DTX2: variants seen among roughly 807,000 people sequenced by gnomAD.
The protein encoded by DTX2 is deltex E3 ubiquitin ligase 2.
In DTX2, 29 loss-of-function variants were observed where a neutral mutation model predicts 55.3. That is an observed-to-expected ratio of 0.52 (90% CI 0.39 to 0.71). The LOEUF is 0.71. Ranked by LOEUF, DTX2 falls within the 30% of genes least tolerant of loss-of-function variation. The pLI, the probability that DTX2 is intolerant of heterozygous loss-of-function variation, is 0.00. For synonymous variants in DTX2, 276 were observed against 340.4 expected, an observed-to-expected ratio of 0.81 and a Z score of 2.08; for missense variants, 537 against 822.5, an observed-to-expected ratio of 0.65 and a Z score of 4.25.
In DTX2 at chr7:76,505,898, G is replaced by A; in HGVS notation, c.*297G>A. ...CCGCGGTGCTCGGGGCCTGGTGTGGGGCGAGTAGAGACTTCCCCAGCCTGG... is the reference window on the plus strand; with the variant it reads ...CCGCGGTGCTCGGGGCCTGGTGTGGAGCGAGTAGAGACTTCCCCAGCCTGG... On this transcript the variant is annotated 3_prime_UTR_variant, in exon 11 of 11. Coordinates refer to ENST00000430490, the MANE Select transcript of DTX2 (RefSeq NM_001102594.3). This position sits in a 1 kb window ranked among gnomAD's most constrained non-coding sequence, Gnocchi z 4.4. 1 of 550,746 alleles carries A rather than the reference G, an allele frequency of 1.8e-6. No individual in the cohort carries two copies. The allele number at this position is 550,746 out of a possible 1,614,324, so 34.1% of individuals were successfully genotyped here.
chr7:76,488,172 A>G (rs1244821016), intron 4 of DTX2, among the ~76,000 whole-genome samples: 1 of 85,542 alleles, frequency 1.2e-5, no homozygotes, highest in Non-Finnish European at 2.4e-5. Context: ...CCTGCTCTCT[A>G]TTCGCAGGGT....
In DTX2 at chr7:76,488,229, C is replaced by G. The variant is rs1810091814; in HGVS notation, c.909-3924C>G. Reference sequence around the variant, plus strand: ...CTGTGCTTCTGCTTTCTCCTGTAGTCCTTGGAAGCAAGGACTTCTTGTTCG... The same window carrying G: ...CTGTGCTTCTGCTTTCTCCTGTAGTGCTTGGAAGCAAGGACTTCTTGTTCG... On this transcript the variant is annotated intron_variant, in intron 4 of 10. Coordinates refer to ENST00000430490, the MANE Select transcript of DTX2 (RefSeq NM_001102594.3). Among the ~76,000 whole-genome samples, 2 of 83,642 alleles carry G rather than the reference C, an allele frequency of 2.4e-5. 1 individual carries two copies. The highest frequency in any genetic ancestry group is 4.8e-5 in the Non-Finnish European group (2 of 41,270). The allele number at this position is 83,642 out of a possible 152,430, so 54.9% of individuals were successfully genotyped here.
Position 76,480,406 on chromosome 7 carries a change from C to T in DTX2, c.-89-15C>T, listed in dbSNP as rs1809042027. On this transcript the variant is annotated splice_polypyrimidine_tract_variant and intron_variant, in intron 2 of 10. Coordinates refer to ENST00000430490, the MANE Select transcript of DTX2 (RefSeq NM_001102594.3). ...GATGTGCATTGGTAACTGCTCATGT[C>T]TGTCCTGTTCACAGATCTGCCGGAG... 3.1e-6 allele frequency: 4 copies of T among 1,290,712 alleles called. No homozygotes were observed. The highest frequency in any genetic ancestry group is 4.2e-6 in the Non-Finnish European group (4 of 950,858). The allele number at this position is 1,290,712 out of a possible 1,614,324, so 80.0% of individuals were successfully genotyped here.
Position 76,505,719 on chromosome 7 carries a change from G to A in DTX2, c.*118G>A. 3.7e-6 allele frequency: 4 copies of A among 1,092,314 alleles called. No homozygotes were observed. Among genetic ancestry groups the A allele is most frequent in the South Asian group, 3.1e-5 (2 of 65,170 alleles). The allele number at this position is 1,092,314 out of a possible 1,614,324, so 67.7% of individuals were successfully genotyped here. A position where few individuals can be genotyped will look rare whatever the true frequency, so the allele number is the denominator to read the frequency against. ...GGGAGGTTTGTTGAGGGTGTGGGGT[G>A]TGCCCCACCTGAAGCCGGGGCTCCC... On this transcript the variant is annotated 3_prime_UTR_variant, in exon 11 of 11. Coordinates refer to ENST00000430490, the MANE Select transcript of DTX2 (RefSeq NM_001102594.3). This position sits in a 1 kb window ranked among gnomAD's most constrained non-coding sequence, Gnocchi z 4.4.
intron 6 of DTX2, chr7:76,499,977 A>G (rs1164516995): frequency 8.2e-6 from 3 of 365,864 alleles, no homozygotes; most frequent in East Asian, 7.3e-5. Context: ...CTGCCTGTAC[A>G]TGCTGGACCC....
At chr7:76,491,158 TG>T (rs1810384779) in intron 4 of DTX2, among the ~76,000 whole-genome samples, 1 of 151,608 alleles carries the variant, frequency 6.6e-6, no homozygotes, top group South Asian at 2.1e-4. Context: ...CCACCACGCC[TG>T]GCTAATTTTT....
At chr7:76,466,895 GC>G (rs1807249712) in intron 2 of DTX2, among the ~76,000 whole-genome samples, 1 of 151,802 alleles carries the variant, frequency 6.6e-6, no homozygotes, top group South Asian at 2.1e-4. Context: ...ACCGCGCCTG[GC>G]CTATTTCTTT....
Position 76,505,760 on chromosome 7 carries a change from C to T in DTX2, c.*159C>T. 1 of 750,026 alleles carries T rather than the reference C, an allele frequency of 1.3e-6. No homozygotes were observed. The highest frequency in any genetic ancestry group is 2.2e-6 in the Non-Finnish European group (1 of 460,902). 46.5% of individuals were successfully genotyped at this position (750,026 alleles called of 1,614,324 possible). ...CGGGGCTCCCCCTGCCTGCCTCTCTCTCCTCCTCCCCTCTGGGAATTGGGC... is the reference window on the plus strand; with the variant it reads ...CGGGGCTCCCCCTGCCTGCCTCTCTTTCCTCCTCCCCTCTGGGAATTGGGC... On this transcript the variant is annotated 3_prime_UTR_variant, in exon 11 of 11. Transcript: ENST00000430490. The surrounding 1 kb of genome is among the most constrained non-coding windows in gnomAD (Gnocchi z 4.4).
chr7:76,495,832 G>A (rs1563749343), intron 5 of DTX2, among the ~76,000 whole-genome samples: 2 of 150,582 alleles, frequency 1.3e-5, no homozygotes, highest in Non-Finnish European at 3.0e-5. Context: ...TTCAGGGAAG[G>A]CCTGCCCGCT....
rs1338977802 is a variant in DTX2 at position 76,491,225 on chromosome 7, T to G, written c.909-928T>G. Among the ~76,000 whole-genome samples, 8 of 151,712 alleles carry G rather than the reference T, an allele frequency of 5.3e-5. 1 individual carries two copies. The highest frequency in any genetic ancestry group is 1.9e-4 in the African/African-American group (8 of 41,220). On this transcript the variant is annotated intron_variant, in intron 4 of 10. Coordinates refer to ENST00000430490, the MANE Select transcript of DTX2 (RefSeq NM_001102594.3). ...CTTGGCCAGGCTGGTCTTGAACTCC[T>G]GACCTCGCGATCCACCCACCTTGGC...
intron 2 of DTX2, among the ~76,000 whole-genome samples, chr7:76,471,514 T>G: frequency 6.7e-6 from 1 of 149,942 alleles, no homozygotes; most frequent in Non-Finnish European, 1.5e-5. Flanking sequence ...TGGATGCGGG[T>G]TCCTGCTTGG....
chr7:76,476,978 G>A lies in DTX2; in HGVS notation c.-89-3443G>A, dbSNP rs570576069. 70 of 152,228 alleles carry A rather than the reference G, an allele frequency of 4.6e-4. 1 individual carries two copies. The highest frequency in any genetic ancestry group is 1.6e-3 in the African/African-American group (66 of 41,516). The allele number at this position is 152,228 out of a possible 1,614,324, so 9.4% of individuals were successfully genotyped here. On this transcript the variant is annotated intron_variant, in intron 2 of 10. Coordinates refer to ENST00000430490, the MANE Select transcript of DTX2 (RefSeq NM_001102594.3). ...CAGAGTTGTGAGAGTTGGTTCATCC[G>A]GGCCATGAGGACATGTTGGGACATA...
At position 76,505,446 on chromosome 7, in the gene DTX2, G is replaced by A. The variant is rs2116651208; in HGVS notation, c.1714G>A (p.Glu572Lys). ...FTVGTSSTTG[E>K]TDTVVWNEIH... ...AGTGGGCACGTCCAGCACCACGGGT[G>A]AGACGGACACCGTGGTATGGAACGA... Residue 572 changes from glutamate (E) to lysine (K), a missense_variant, in exon 11 of 11, where the codon GAG becomes AAG. By Grantham distance (56) the Glu-to-Lys change is moderately conservative (BLOSUM62 1). Around this residue, in one of 7 missense-constraint regions of DTX2, gnomAD observed 33 missense variants for 48.4 expected, o/e 0.68. Transcript: ENST00000430490. The surrounding 1 kb of genome is among the most constrained non-coding windows in gnomAD (Gnocchi z 4.4). 1 of 1,605,524 alleles carries A rather than the reference G, an allele frequency of 6.2e-7. No individual in the cohort carries two copies. The highest frequency in any genetic ancestry group is 8.5e-7 in the Non-Finnish European group (1 of 1,176,246).
intron 4 of DTX2, among the ~76,000 whole-genome samples, chr7:76,487,072 T>C (rs1354108702): frequency 1.3e-5 from 1 of 79,536 alleles, no homozygotes; most frequent in Non-Finnish European, 2.4e-5. Flanking sequence ...TTGTTTTGTT[T>C]TAAGAGACAG....
intron 2 of DTX2, among the ~76,000 whole-genome samples, chr7:76,467,291 C>T (rs1311785071): frequency 7.9e-6 from 1 of 125,788 alleles, no homozygotes; most frequent in African/African-American, 3.2e-5. Flanking sequence ...TGTCTTGCAG[C>T]TCCACAGTCT....
intron 2 of DTX2, among the ~76,000 whole-genome samples, chr7:76,477,884 C>T (rs1014997383): frequency 6.7e-5 from 10 of 150,020 alleles, no homozygotes; most frequent in Non-Finnish European, 1.5e-4. Flanking sequence ...TTGAGTTATT[C>T]AGCCAAGGTC....
At chr7:76,488,267 G>A (rs1315264518) in intron 4 of DTX2, among the ~76,000 whole-genome samples, 1 of 79,154 alleles carries the variant, frequency 1.3e-5, no homozygotes, top group African/African-American at 6.2e-5. Context: ...CTTTAGGAAC[G>A]GAAGCAAACG....
Position 76,505,391 on chromosome 7 carries a change from G to GCC in DTX2, c.1659_1660insCC (p.Val554ProfsTer62). 1 of 1,583,662 alleles carries GCC rather than the reference G, an allele frequency of 6.3e-7. No individual in the cohort carries two copies. The highest frequency in any genetic ancestry group is 1.3e-5 in the African/African-American group (1 of 74,120). On this transcript the variant is annotated frameshift_variant, in exon 11 of 11. Transcript: ENST00000430490. LOFTEE classifies it high-confidence loss of function. The surrounding 1 kb of genome is among the most constrained non-coding windows in gnomAD (Gnocchi z 4.4). ...CCGGGCAGGTCCTAGAGCTCCTGAAGGTGGCCTGGAAGAGGCGGCTCATCT... is the reference window on the plus strand; with the variant it reads ...CCGGGCAGGTCCTAGAGCTCCTGAAGCCGTGGCCTGGAAGAGGCGGCTCATCT...
intron 2 of DTX2, among the ~76,000 whole-genome samples, chr7:76,465,088 A>G (rs1171299364): frequency 6.7e-6 from 1 of 149,734 alleles, no homozygotes; most frequent in African/African-American, 2.5e-5. Context: ...ACAGGTGCAC[A>G]CCATCATGCC....
Sources: allele counts gnomAD v4.1 joint callset (sites outside exome capture counted in the v4.1 genomes callset), GRCh38; gene constraint gnomAD v4.1.1; regional missense constraint gnomAD v4.1.1; non-coding constraint Gnocchi (gnomAD v3.1); transcripts MANE v1.5; gene names NCBI Gene and HGNC (gene_info 2026-07-23, HGNC 2026-07-21).